The following CTNNA3 variants were observed in gnomAD, a reference collection of about 807,000 sequenced individuals.
The protein encoded by CTNNA3 is catenin alpha-3.
CTNNA3 carries 76 observed loss-of-function variants against 95.7 expected under a neutral mutation model. That is an observed-to-expected ratio of 0.79 (90% CI 0.66 to 0.96). The LOEUF is 0.96. Ranked by LOEUF, CTNNA3 falls within the 40% of genes least tolerant of loss-of-function variation. CTNNA3 has a pLI of 0.00. For missense variants in CTNNA3, 1,191 were observed against 1,089.8 expected, an observed-to-expected ratio of 1.09 and a Z score of -1.31; for synonymous variants, 431 against 374.4, an observed-to-expected ratio of 1.15 and a Z score of -1.74.
intron 3 of CTNNA3, among the ~76,000 whole-genome samples, chr10:67,566,174 A>T (rs1589434606): frequency 7.3e-6 from 1 of 137,680 alleles, no homozygotes; most frequent in Non-Finnish European, 1.6e-5. Flanking sequence ...GACAAATGGG[A>T]TCTAATTAAA....
intron 7 of CTNNA3, among the ~76,000 whole-genome samples, chr10:67,145,156 C>T (rs909132907): frequency 6.6e-6 from 1 of 152,164 alleles, no homozygotes; most frequent in African/African-American, 2.4e-5. Context: ...GGGCATGTTC[C>T]ATGGTGCGCC....
At chr10:66,255,940 C>A (rs931280539) in intron 13 of CTNNA3, among the ~76,000 whole-genome samples, 2 of 152,074 alleles carry the variant, frequency 1.3e-5, no homozygotes, top group Non-Finnish European at 2.9e-5. Context: ...GATGTTCCCG[C>A]GAAGAAAAAT....
At chr10:66,732,590 AG>A (rs1848996982) in intron 9 of CTNNA3, among the ~76,000 whole-genome samples, 1 of 152,132 alleles carries the variant, frequency 6.6e-6, no homozygotes, top group African/African-American at 2.4e-5. Flanking sequence ...CCAAGCAAAG[AG>A]GGAAAAGCTC....
chr10:67,726,415 A>AATAT (rs1554879485), intron 1 of CTNNA3, among the ~76,000 whole-genome samples: 6 of 58,972 alleles, frequency 1.0e-4, no homozygotes, highest in Admixed American at 6.1e-4. Flanking sequence ...TATCATATAT[A>AATAT]ATATTATATA....
At chr10:67,488,343 T>C (rs1848525116) in intron 5 of CTNNA3, among the ~76,000 whole-genome samples, 1 of 152,164 alleles carries the variant, frequency 6.6e-6, no homozygotes, top group Admixed American at 6.5e-5. Context: ...CAAGACTCTA[T>C]GGGTCAGAGA....
rs190399433 is a variant in CTNNA3 at position 67,742,235 on chromosome 10, T to G, written c.-2+21199A>C. 7.9e-3 allele frequency among the ~76,000 whole-genome samples: 1,191 copies of G among 151,206 alleles called. 35 individuals carry two copies. The highest frequency in any genetic ancestry group is 0.028 in the African/African-American group (1,140 of 41,340). ...ACCACACTGCACTTATTCCAAAATT[T>G]ACCACATAGTTGGAAGTAAAGCACT... On this transcript the variant is annotated intron_variant, in intron 1 of 17. Transcript: ENST00000684154.
intron 5 of CTNNA3, among the ~76,000 whole-genome samples, chr10:67,511,949 T>C (rs1315194666): frequency 6.6e-6 from 1 of 152,196 alleles, no homozygotes; most frequent in Non-Finnish European, 1.5e-5. Context: ...CCGGAATTTA[T>C]CCATTTCTTC....
chr10:67,310,423 A>T (rs772051975), intron 5 of CTNNA3, among the ~76,000 whole-genome samples: 63 of 152,158 alleles, frequency 4.1e-4, no homozygotes, highest in Non-Finnish European at 8.1e-4. Context: ...TTAAAAGCAA[A>T]GTTTTCTGAG....
chr10:67,716,709 T>C (rs1272789041), intron 1 of CTNNA3, among the ~76,000 whole-genome samples: 1 of 152,224 alleles, frequency 6.6e-6, no homozygotes, highest in Non-Finnish European at 1.5e-5. Context: ...ATTTTCTTTA[T>C]CCAGTCTATC....
At chr10:66,762,637 C>A (rs965342103) in intron 9 of CTNNA3, among the ~76,000 whole-genome samples, 4 of 151,078 alleles carry the variant, frequency 2.6e-5, no homozygotes, top group African/African-American at 4.9e-5. Context: ...AGACCAAATT[C>A]TTCGGCCACT....
chr10:66,092,297 C>T (rs1005368575), intron 14 of CTNNA3, among the ~76,000 whole-genome samples: 3 of 151,936 alleles, frequency 2.0e-5, no homozygotes, highest in Admixed American at 6.6e-5. Context: ...ACTTCTCAGA[C>T]TATTTTCAAC....
intron 5 of CTNNA3, among the ~76,000 whole-genome samples, chr10:67,417,910 T>A: frequency 6.6e-6 from 1 of 152,178 alleles, no homozygotes; most frequent in South Asian, 2.1e-4. Flanking sequence ...TTACACAATG[T>A]TCATAGCAAC....
chr10:65,957,333 C>T (rs1315887158), intron 17 of CTNNA3, among the ~76,000 whole-genome samples: 3 of 152,152 alleles, frequency 2.0e-5, no homozygotes, highest in Non-Finnish European at 2.9e-5. Flanking sequence ...TGAGTCTTGA[C>T]TCTTTATCCA....
intron 7 of CTNNA3, among the ~76,000 whole-genome samples, chr10:66,806,291 GTA>G (rs398097045): frequency 0.075 from 10,014 of 133,410 alleles, 410 homozygotes; most frequent in Non-Finnish European, 0.1. Flanking sequence ...GTGTGTGTGT[GTA>G]TATATACTCA....
chr10:67,551,165 C>T (rs1285832738), intron 3 of CTNNA3, among the ~76,000 whole-genome samples: 2 of 151,988 alleles, frequency 1.3e-5, no homozygotes, highest in Non-Finnish European at 2.9e-5. Flanking sequence ...GACACACAAG[C>T]GGCTGCACGT....
chr10:66,850,622 C>T (rs1843452047), intron 7 of CTNNA3, among the ~76,000 whole-genome samples: 1 of 151,360 alleles, frequency 6.6e-6, no homozygotes, highest in Non-Finnish European at 1.5e-5. Flanking sequence ...TTCTTAATAC[C>T]ATTGTATTTT....
intron 7 of CTNNA3, among the ~76,000 whole-genome samples, chr10:66,967,145 T>C (rs946376053): frequency 6.6e-6 from 1 of 151,872 alleles, no homozygotes; most frequent in Non-Finnish European, 1.5e-5. Flanking sequence ...TAGCAAAAAA[T>C]AGACTATTTT....
In CTNNA3 at chr10:66,605,453, C is replaced by T. The variant is rs188022557; in HGVS notation, c.1374+16239G>A. Among the ~76,000 whole-genome samples the T allele has an allele frequency of 4.6e-5, 7 of 151,988 alleles. No individual in the cohort carries two copies. The South Asian group carries it at 6.2e-4, about 14-fold the overall frequency. ...GGCCAACATTCAAATTCAGGAAATG[C>T]GAAGAACCCCAGTAAGATACTTCAC... On this transcript the variant is annotated intron_variant, in intron 10 of 17. Coordinates refer to ENST00000433211, the MANE Select transcript of CTNNA3 (RefSeq NM_013266.4).
intron 13 of CTNNA3, among the ~76,000 whole-genome samples, chr10:66,233,603 A>G (rs961011648): frequency 2.0e-5 from 3 of 152,234 alleles, no homozygotes; most frequent in South Asian, 2.1e-4. Context: ...TGCATATTAC[A>G]GTGCTCCAGC....
Sources: gnomAD v4.1 joint callset for allele counts (sites outside exome capture counted in the v4.1 genomes callset) on GRCh38, gnomAD v4.1.1 for gene constraint, MANE v1.5 for transcripts, NCBI Gene and HGNC (gene_info 2026-07-23, HGNC 2026-07-21) for gene names.